The following SNAPC1 variants were observed in gnomAD, a reference collection of about 807,000 sequenced individuals.
SNAPC1 encodes the protein small nuclear RNA activating complex polypeptide 1.
A neutral mutation model predicts 50.1 loss-of-function variants in SNAPC1; 42 were observed. That is an observed-to-expected ratio of 0.84 (90% CI 0.65 to 1.08). SNAPC1 has a LOEUF of 1.08. Among genes scored for constraint, SNAPC1 ranks in the 50% least tolerant of loss-of-function variants. The pLI is 0.00. For synonymous variants in SNAPC1, 164 were observed against 144.2 expected, an observed-to-expected ratio of 1.14 and a Z score of -0.98; for missense variants, 477 against 427.3, an observed-to-expected ratio of 1.12 and a Z score of -1.02.
intron 6 of SNAPC1, among the ~76,000 whole-genome samples, chr14:61,778,473 G>A (rs8004229): frequency 0.15 from 22,518 of 151,974 alleles, 2,020 homozygotes; most frequent in South Asian, 0.32. Flanking sequence ...ACTATATACT[G>A]CTTCCTGCCT....
chr14:61,789,069 G>A (rs1465113525), intron 8 of SNAPC1, among the ~76,000 whole-genome samples: 15 of 151,856 alleles, frequency 9.9e-5, no homozygotes. Flanking sequence ...CACCTCTACT[G>A]AAAATACAAA....
chr14:61,781,981 T>C (rs1006906317), intron 7 of SNAPC1, among the ~76,000 whole-genome samples: 7 of 152,216 alleles, frequency 4.6e-5, no homozygotes, highest in Admixed American at 2.0e-4. Context: ...TGCCTAACCA[T>C]GCCAGATAAT....
intron 8 of SNAPC1, among the ~76,000 whole-genome samples, chr14:61,783,181 C>T (rs2045090049): frequency 6.7e-6 from 1 of 149,790 alleles, no homozygotes; most frequent in Admixed American, 6.7e-5. Context: ...TGCCACCATA[C>T]CCAGCTAATT....
In SNAPC1 at chr14:61,792,417, A is replaced by C. The variant is rs193262058; in HGVS notation, c.977-390A>C. Reference sequence around the variant, plus strand: ...AGAAAGTATGTTCACATCCAAAAGTAAGGCTGTTAAACTCAAAAATTACAT... The same window carrying C: ...AGAAAGTATGTTCACATCCAAAAGTCAGGCTGTTAAACTCAAAAATTACAT... On this transcript the variant is annotated intron_variant, in intron 8 of 9. Coordinates refer to ENST00000216294, the MANE Select transcript of SNAPC1 (RefSeq NM_003082.4). Among the ~76,000 whole-genome samples, 168 of 152,340 alleles carry C rather than the reference A, an allele frequency of 1.1e-3. No individual in the cohort carries two copies. In the South Asian group the frequency reaches 0.012, roughly 11 times the overall value.
At chr14:61,794,898 G>GTTTTTTTTTTTTTTTTTTT in intron 9 of SNAPC1, 51 bp from the exon 10 acceptor site, 1 of 1,160,672 alleles carries the variant, frequency 8.6e-7, no homozygotes, top group Non-Finnish European at 1.2e-6. Flanking sequence ...TTTTTTGTTT[G>GTTTTTTTTTTTTTTTTTTT]TTTTTTTTTT....
chr14:61,790,071 A>G (rs950620243), intron 8 of SNAPC1, among the ~76,000 whole-genome samples: 2 of 152,152 alleles, frequency 1.3e-5, no homozygotes, highest in African/African-American at 4.8e-5. Flanking sequence ...ACCTGGGAGG[A>G]TATTTGTGTC....
At chr14:61,775,254 TC>T (rs2045026062) in intron 4 of SNAPC1, among the ~76,000 whole-genome samples, 1 of 151,954 alleles carries the variant, frequency 6.6e-6, no homozygotes, top group Admixed American at 6.6e-5. Context: ...TCTATTTCTT[TC>T]TTTTTTTTTT....
intron 4 of SNAPC1, 27 bp from the exon 5 acceptor site, chr14:61,776,068 A>G: frequency 3.9e-6 from 6 of 1,553,306 alleles, no homozygotes; most frequent in Non-Finnish European, 5.2e-6. Context: ...AAGTGAAGAA[A>G]TAAAGGACTC....
rs1220594525 is a variant in SNAPC1 at position 61,795,173 on chromosome 14, A to G, written c.*190A>G. On this transcript the variant is annotated 3_prime_UTR_variant, in exon 10 of 10. Transcript: ENST00000216294. ...AAAATTAGAATAAGAATTCTTTAAC[A>G]TTTTCTTTAATGATTTGCATAAATG... is the stretch of plus-strand genomic sequence containing the variant. 3 of 520,782 alleles carry G rather than the reference A, an allele frequency of 5.8e-6. No individual in the cohort carries two copies. The East Asian group carries it at 9.8e-5, about 17-fold the overall frequency. 32.3% of individuals were successfully genotyped at this position (520,782 alleles called of 1,614,324 possible).
intron 8 of SNAPC1, among the ~76,000 whole-genome samples, chr14:61,789,220 GACTCCATCTCAAAAAAAAAAAAAAA>G (rs1445916726): frequency 8.1e-6 from 1 of 124,026 alleles, no homozygotes; most frequent in Admixed American, 9.4e-5. Flanking sequence ...GACAGAGCAA[GACTCCATCTCAAAAAAAAAAAAAAA>G]AGGCTAGGGA....
At chr14:61,775,453 A>T (rs1225208164) in intron 4 of SNAPC1, among the ~76,000 whole-genome samples, 2 of 151,804 alleles carry the variant, frequency 1.3e-5, no homozygotes, top group Non-Finnish European at 2.9e-5. Context: ...ACGGGGTTTC[A>T]CCATGTTGGC....
chr14:61,789,510 G>T (rs2045137781), intron 8 of SNAPC1, among the ~76,000 whole-genome samples: 3 of 152,120 alleles, frequency 2.0e-5, no homozygotes, highest in African/African-American at 7.2e-5. Flanking sequence ...GTAACGTTTG[G>T]ATTTTGTATA....
chr14:61,773,731 C>T (rs1399811802), intron 4 of SNAPC1, among the ~76,000 whole-genome samples: 1 of 144,644 alleles, frequency 6.9e-6, no homozygotes, highest in Non-Finnish European at 1.5e-5. Context: ...CAGAGTTTCC[C>T]TTTTATTGCC....
intron 7 of SNAPC1, among the ~76,000 whole-genome samples, chr14:61,781,796 C>T (rs1377876272): frequency 6.6e-6 from 1 of 152,252 alleles, no homozygotes; most frequent in Non-Finnish European, 1.5e-5. Context: ...CATACCCCGC[C>T]TGCTTGCCTC....
At chr14:61,763,332 C>T (rs1281989802) in intron 1 of SNAPC1, among the ~76,000 whole-genome samples, 2 of 151,968 alleles carry the variant, frequency 1.3e-5, no homozygotes, top group African/African-American at 4.8e-5. Flanking sequence ...TTATGTCACT[C>T]CCCGACTTAT....
intron 1 of SNAPC1, among the ~76,000 whole-genome samples, chr14:61,763,112 C>A (rs1317427004): frequency 6.7e-6 from 1 of 149,802 alleles, no homozygotes; most frequent in Non-Finnish European, 1.5e-5. Flanking sequence ...TTGCCTCAAC[C>A]TCCGGAGTAG....
intron 8 of SNAPC1, 44 bp from the exon 9 acceptor site, chr14:61,792,763 A>G (rs768130636): frequency 9.1e-7 from 1 of 1,101,864 alleles, no homozygotes; most frequent in Non-Finnish European, 1.3e-6. Context: ...AAAGATTATA[A>G]TATTCTTTGC....
At chr14:61,766,079 A>G (rs1011815904) in intron 1 of SNAPC1, among the ~76,000 whole-genome samples, 1 of 152,264 alleles carries the variant, frequency 6.6e-6, no homozygotes, top group African/African-American at 2.4e-5. Flanking sequence ...TCTTAGAAGC[A>G]AAATTTATTC....
intron 4 of SNAPC1, among the ~76,000 whole-genome samples, chr14:61,773,624 C>T (rs942523024): frequency 1.3e-5 from 2 of 150,856 alleles, no homozygotes; most frequent in African/African-American, 4.9e-5. Flanking sequence ...TCTTGATCTC[C>T]TGACCTCATG....
Sources: gnomAD v4.1 joint callset for allele counts (sites outside exome capture counted in the v4.1 genomes callset) on GRCh38, gnomAD v4.1.1 for gene constraint, MANE v1.5 for transcripts, NCBI Gene and HGNC (gene_info 2026-07-23, HGNC 2026-07-21) for gene names.